The following RBFOX1 variants were observed in gnomAD, a reference collection of about 807,000 sequenced individuals.
The protein encoded by RBFOX1 is RNA binding fox-1 homolog 1, also known as RNA binding protein fox-1 homolog 1.
In RBFOX1, 8 loss-of-function variants were observed where a neutral mutation model predicts 57.7. The ratio of observed to expected loss-of-function variants is 0.14; its 90% CI spans 0.08 to 0.25. The LOEUF is 0.25. RBFOX1 is among the 10% of genes least tolerant of loss of function. RBFOX1 has a pLI of 1.00. For synonymous variants in RBFOX1, 326 were observed against 222.4 expected, an observed-to-expected ratio of 1.47 and a Z score of -4.15; for missense variants, 611 against 548.5, an observed-to-expected ratio of 1.11 and a Z score of -1.14.
chr16:7,035,101 G>T (rs968031252), intron 3 of RBFOX1, among the ~76,000 whole-genome samples: 1 of 151,654 alleles, frequency 6.6e-6, no homozygotes, highest in East Asian at 1.9e-4. Flanking sequence ...ACCCGTCTTG[G>T]CCTCCCAAAG....
intron 2 of RBFOX1, among the ~76,000 whole-genome samples, chr16:6,640,467 G>A (rs1189964457): frequency 6.6e-6 from 1 of 151,992 alleles, no homozygotes; most frequent in Non-Finnish European, 1.5e-5. Flanking sequence ...AAATTAGCCA[G>A]GCATAGAGCA....
At chr16:6,518,732 T>G (rs1184642541) in intron 2 of RBFOX1, among the ~76,000 whole-genome samples, 1 of 151,824 alleles carries the variant, frequency 6.6e-6, no homozygotes, top group Non-Finnish European at 1.5e-5. Flanking sequence ...CATCCATCCA[T>G]CCATCTATCT....
chr16:6,871,481 C>T (rs543995236), intron 3 of RBFOX1, among the ~76,000 whole-genome samples: 1 of 152,198 alleles, frequency 6.6e-6, no homozygotes, highest in East Asian at 1.9e-4. Context: ...CCACCGTGCC[C>T]GGCCTCAAAA....
intron 14 of RBFOX1, among the ~76,000 whole-genome samples, chr16:7,695,887 T>C (rs2147797084): frequency 6.6e-6 from 1 of 152,230 alleles, no homozygotes. Flanking sequence ...ATAACTGAAA[T>C]TCTTATAAAG....
intron 1 of RBFOX1, among the ~76,000 whole-genome samples, chr16:6,190,094 T>A (rs2097132506): frequency 6.6e-6 from 1 of 152,224 alleles, no homozygotes; most frequent in Non-Finnish European, 1.5e-5. Context: ...TATTTTTTGC[T>A]CAAAGTGGAA....
chr16:5,344,241 C>G (rs1410777068), intron 1 of RBFOX1, among the ~76,000 whole-genome samples: 2 of 152,176 alleles, frequency 1.3e-5, no homozygotes, highest in African/African-American at 4.8e-5. Context: ...GGTTTGGGTT[C>G]TCTCCCATGT....
At chr16:5,795,170 C>T (rs1291697888) in intron 3 of RBFOX1, among the ~76,000 whole-genome samples, 2 of 152,136 alleles carry the variant, frequency 1.3e-5, no homozygotes, top group Non-Finnish European at 2.9e-5. Context: ...CACGAAAGGC[C>T]TAACCCATAA....
chr16:6,837,980 C>T (rs2093222084), intron 3 of RBFOX1, among the ~76,000 whole-genome samples: 1 of 150,892 alleles, frequency 6.6e-6, no homozygotes, highest in Admixed American at 6.6e-5. Flanking sequence ...CCACCCCTTT[C>T]CATGGCAATA....
chr16:5,544,688 T>G (rs983826592), intron 2 of RBFOX1, among the ~76,000 whole-genome samples: 9 of 152,160 alleles, frequency 5.9e-5, no homozygotes, highest in African/African-American at 2.2e-4. Flanking sequence ...TAAAGATATA[T>G]CTTTGTATAG....
At chr16:5,703,326 T>A (rs779419653) in intron 3 of RBFOX1, among the ~76,000 whole-genome samples, 3 of 152,118 alleles carry the variant, frequency 2.0e-5, no homozygotes, top group Non-Finnish European at 4.4e-5. Context: ...TGTATAAGAA[T>A]TGGCCATGCA....
chr16:5,690,565 A>AAAAC (rs35684383), intron 3 of RBFOX1, among the ~76,000 whole-genome samples: 1 of 151,672 alleles, frequency 6.6e-6, no homozygotes, highest in African/African-American at 2.4e-5. Context: ...AGTCTGCTTG[A>AAAAC]AAACAAACAA....
At chr16:5,957,102 G>T (rs1675669957) in intron 4 of RBFOX1, among the ~76,000 whole-genome samples, 1 of 152,252 alleles carries the variant, frequency 6.6e-6, no homozygotes, top group Non-Finnish European at 1.5e-5. Context: ...TTACCGAAGA[G>T]CCACTTATTA....
intron 2 of RBFOX1, among the ~76,000 whole-genome samples, chr16:6,510,320 A>G (rs1356580574): frequency 1.3e-5 from 2 of 152,036 alleles, no homozygotes; most frequent in Non-Finnish European, 2.9e-5. Flanking sequence ...TGTTTTTGAG[A>G]TTTGAACTGC....
At chr16:7,104,843 G>A (rs1021507326) in intron 4 of RBFOX1, among the ~76,000 whole-genome samples, 1 of 152,100 alleles carries the variant, frequency 6.6e-6, no homozygotes, top group African/African-American at 2.4e-5. Context: ...TTCTTCAAGG[G>A]AGAACTCACT....
At chr16:6,430,849 G>A (rs1376261418) in intron 2 of RBFOX1, among the ~76,000 whole-genome samples, 1 of 151,826 alleles carries the variant, frequency 6.6e-6, no homozygotes, top group East Asian at 1.9e-4. Context: ...AAGTTACTGT[G>A]GTCAGGAACA....
chr16:7,199,041 A>C (rs969063533), intron 4 of RBFOX1, among the ~76,000 whole-genome samples: 1 of 152,202 alleles, frequency 6.6e-6, no homozygotes, highest in Non-Finnish European at 1.5e-5. Context: ...TTCAGTTCCA[A>C]GGGACAAGGG....
At chr16:6,421,093 A>AG (rs1285312927) in intron 2 of RBFOX1, among the ~76,000 whole-genome samples, 4 of 152,222 alleles carry the variant, frequency 2.6e-5, no homozygotes, top group Admixed American at 6.5e-5. Flanking sequence ...AATCACATGA[A>AG]GGCTGGATGT....
At chr16:5,744,888 C>T (rs1378158171) in intron 3 of RBFOX1, among the ~76,000 whole-genome samples, 3 of 152,100 alleles carry the variant, frequency 2.0e-5, no homozygotes, top group South Asian at 2.1e-4. Flanking sequence ...GCTCTCTCTC[C>T]GACCGCCCAA....
chr16:6,181,385 T>C (rs1041068213), intron 1 of RBFOX1, among the ~76,000 whole-genome samples: 6 of 152,200 alleles, frequency 3.9e-5, no homozygotes, highest in Admixed American at 3.9e-4. Context: ...CGATTTTTGG[T>C]GAATACTTGT....
Sources: gnomAD v4.1 joint callset for allele counts (sites outside exome capture counted in the v4.1 genomes callset) on GRCh38, gnomAD v4.1.1 for gene constraint, MANE v1.5 for transcripts, NCBI Gene and HGNC (gene_info 2026-07-23, HGNC 2026-07-21) for gene names.